The following MICU1 variants were observed in gnomAD, a reference collection of about 807,000 sequenced individuals.
MICU1 encodes the protein calcium uptake protein 1, mitochondrial.
MICU1 carries 45 observed loss-of-function variants against 56.8 expected under a neutral mutation model. That is an observed-to-expected ratio of 0.79 (90% confidence interval 0.62 to 1.02). The LOEUF (loss-of-function observed/expected upper bound fraction) is 1.02. MICU1 is among the 50% of genes least tolerant of loss of function. The probability of loss-of-function intolerance (pLI) is 0.00; values close to 1 mark genes in which losing one functional copy is unlikely to be tolerated. For missense variants in MICU1, 504 were observed against 587.1 expected, an observed-to-expected ratio of 0.86 and a Z score of 1.46; for synonymous variants, 186 against 195.1, an observed-to-expected ratio of 0.95 and a Z score of 0.39.
intron 1 of MICU1, among the ~76,000 whole-genome samples, chr10:72,572,530 A>G (rs1438729225): frequency 6.6e-6 from 1 of 152,148 alleles, no homozygotes; most frequent in African/African-American, 2.4e-5. Context: ...CTCTAAAAGT[A>G]GATCAAATGC....
At chr10:72,443,141 T>C (rs908656199) in intron 8 of MICU1, among the ~76,000 whole-genome samples, 2 of 152,202 alleles carry the variant, frequency 1.3e-5, no homozygotes, top group African/African-American at 4.8e-5. Flanking sequence ...GCATTTTTCA[T>C]GTGTTTTTTG....
At chr10:72,371,376 G>A (rs1241139477) in intron 11 of MICU1, among the ~76,000 whole-genome samples, 1 of 113,128 alleles carries the variant, frequency 8.8e-6, no homozygotes, top group African/African-American at 3.8e-5. Context: ...AACACAGCGA[G>A]ACTCCGTCTC....
intron 1 of MICU1, among the ~76,000 whole-genome samples, chr10:72,623,329 A>G (rs1270451882): frequency 6.7e-6 from 1 of 149,206 alleles, no homozygotes; most frequent in African/African-American, 2.5e-5. Context: ...AAAGACAAGA[A>G]AAGAAAAGGG....
chr10:72,548,978 T>C (rs536772192), intron 4 of MICU1, among the ~76,000 whole-genome samples: 1 of 152,136 alleles, frequency 6.6e-6, no homozygotes, highest in Admixed American at 6.5e-5. Flanking sequence ...ATTACAGACA[T>C]GAGCTACCGC....
intron 1 of MICU1, among the ~76,000 whole-genome samples, chr10:72,586,024 T>C (rs1479566238): frequency 3.0e-5 from 4 of 134,740 alleles, no homozygotes; most frequent in African/African-American, 1.1e-4. Context: ...TTTTTTTTTT[T>C]TTTTTTTTGA....
intron 10 of MICU1, among the ~76,000 whole-genome samples, chr10:72,402,054 C>T (rs1863472565): frequency 1.3e-5 from 2 of 152,056 alleles, no homozygotes; most frequent in African/African-American, 4.8e-5. Context: ...CAGGACAGGA[C>T]CATCTGGCAA....
chr10:72,394,847 G>T (rs2132074394), intron 10 of MICU1, among the ~76,000 whole-genome samples: 1 of 152,040 alleles, frequency 6.6e-6, no homozygotes, highest in South Asian at 2.1e-4. Flanking sequence ...AAAATTAAAT[G>T]TATCTATCTG....
At chr10:72,381,963 TACACACACACAC>T (rs10535513) in intron 10 of MICU1, among the ~76,000 whole-genome samples, 6,652 of 138,422 alleles carry the variant, frequency 0.048, 327 homozygotes, top group East Asian at 0.14. Flanking sequence ...TATATATCTA[TACACACACACAC>T]ACACACACAC....
At chr10:72,584,819 C>A (rs1288642924) in intron 1 of MICU1, among the ~76,000 whole-genome samples, 1 of 151,932 alleles carries the variant, frequency 6.6e-6, no homozygotes, top group African/African-American at 2.4e-5. Flanking sequence ...TGGGATTATA[C>A]GTGTGAGCCA....
chr10:72,526,651 C>T (rs1867971376), intron 5 of MICU1, among the ~76,000 whole-genome samples: 1 of 152,114 alleles, frequency 6.6e-6, no homozygotes, highest in African/African-American at 2.4e-5. Flanking sequence ...TGAGCAGCTC[C>T]ATTCAAATGA....
chr10:72,456,529 G>A (rs1456216398), intron 8 of MICU1, among the ~76,000 whole-genome samples: 1 of 152,176 alleles, frequency 6.6e-6, no homozygotes, highest in East Asian at 1.9e-4. Context: ...ACAGCCATGT[G>A]AGTGAGCTTA....
chr10:72,623,324 CAAGAA>C (rs1425065074), intron 1 of MICU1, among the ~76,000 whole-genome samples: 2 of 73,174 alleles, frequency 2.7e-5, no homozygotes, highest in Non-Finnish European at 5.5e-5. Context: ...AAAAAAAAGA[CAAGAA>C]AAGAAAAGGG....
chr10:72,512,639 A>T (rs1339464407), intron 5 of MICU1, among the ~76,000 whole-genome samples: 1 of 152,082 alleles, frequency 6.6e-6, no homozygotes, highest in Non-Finnish European at 1.5e-5. Flanking sequence ...GGTATGTACT[A>T]AGGAGAGGAA....
chr10:72,521,066 T>C (rs1261506903), intron 5 of MICU1, among the ~76,000 whole-genome samples: 3 of 152,120 alleles, frequency 2.0e-5, no homozygotes, highest in Admixed American at 6.5e-5. Flanking sequence ...GTGTTGTTTT[T>C]AGTCACTTGG....
chr10:72,468,226 T>C (rs1482147110), intron 8 of MICU1, among the ~76,000 whole-genome samples: 1 of 152,026 alleles, frequency 6.6e-6, no homozygotes, highest in African/African-American at 2.4e-5. Flanking sequence ...TATTAGATAA[T>C]ACCTTTTCAG....
intron 6 of MICU1, among the ~76,000 whole-genome samples, chr10:72,495,895 A>G (rs538335148): frequency 2.6e-4 from 40 of 152,214 alleles, no homozygotes; most frequent in Admixed American, 2.4e-3. Flanking sequence ...AAAATGCTAG[A>G]CGGGATACTG....
chr10:72,539,137 A>C (rs1251690897), intron 4 of MICU1, among the ~76,000 whole-genome samples: 44 of 152,162 alleles, frequency 2.9e-4, no homozygotes, highest in Non-Finnish European at 1.3e-4. Flanking sequence ...CAATACAATA[A>C]TATTAGGGGG....
chr10:72,583,682 T>C (rs1053527494), intron 1 of MICU1, among the ~76,000 whole-genome samples: 1 of 152,232 alleles, frequency 6.6e-6, no homozygotes, highest in Non-Finnish European at 1.5e-5. Flanking sequence ...CAATGTGTAC[T>C]GTACAACTAA....
intron 11 of MICU1, among the ~76,000 whole-genome samples, chr10:72,369,967 C>G (rs145390879): frequency 0.13 from 8 of 60 alleles, no homozygotes; most frequent in African/African-American, 0.33. Context: ...TGCAAGTACC[C>G]CTCCAGGTTC....
Sources: gnomAD v4.1 joint callset for allele counts (sites outside exome capture counted in the v4.1 genomes callset) on GRCh38, gnomAD v4.1.1 for gene constraint, MANE v1.5 for transcripts, NCBI Gene and HGNC (gene_info 2026-07-23, HGNC 2026-07-21) for gene names.